The following PID1 variants were observed in gnomAD, a reference collection of about 807,000 sequenced individuals.
The protein encoded by PID1 is PTB-containing, cubilin and LRP1-interacting protein.
Under a neutral mutation model 19.1 loss-of-function variants are expected in PID1, and 10 were observed. The observed-to-expected ratio is 0.52, with a 90% CI of 0.32 to 0.89. PID1 has a LOEUF of 0.89. Ranked by LOEUF, PID1 falls within the 40% of genes least tolerant of loss-of-function variation. PID1 has a pLI of 0.03. For missense variants in PID1, 248 were observed against 285.3 expected (o/e 0.87, Z 0.94); for synonymous variants, 130 against 116.0 (o/e 1.12, Z -0.78).
chr2:229,168,016 C>T (rs549523697), intron 1 of PID1, among the ~76,000 whole-genome samples: 4 of 152,186 alleles, frequency 2.6e-5, no homozygotes, highest in South Asian at 2.1e-4. Context: ...TTCTAGTTTC[C>T]GACAAGAAGT....
intron 1 of PID1, among the ~76,000 whole-genome samples, chr2:229,233,371 T>A (rs1692256844): frequency 6.6e-6 from 1 of 151,852 alleles, no homozygotes; most frequent in East Asian, 1.9e-4. Flanking sequence ...TTGAACTACT[T>A]AATAGTTCTA....
chr2:229,031,116 T>G (rs1440482637), intron 2 of PID1, among the ~76,000 whole-genome samples: 1 of 142,756 alleles, frequency 7.0e-6, no homozygotes, highest in Non-Finnish European at 1.5e-5. Flanking sequence ...CTGGGGAGGC[T>G]GAGGCAGAAG....
chr2:229,064,954 G>T (rs1342607441), intron 2 of PID1, among the ~76,000 whole-genome samples: 1 of 152,100 alleles, frequency 6.6e-6, no homozygotes, highest in African/African-American at 2.4e-5. Flanking sequence ...AACAGATGGT[G>T]GCTATGAAAA....
chr2:229,101,219 A>AT lies in PID1; in HGVS notation c.177+54598dup, dbSNP rs113344308. 5.6e-4 allele frequency among the ~76,000 whole-genome samples: 85 copies of AT among 150,738 alleles called. 1 individual carries two copies. Among genetic ancestry groups the AT allele is most frequent in the Middle Eastern group, 3.4e-3 (1 of 292 alleles). On this transcript the variant is annotated intron_variant, in intron 2 of 2. Coordinates refer to ENST00000392055, the MANE Select transcript of PID1 (RefSeq NM_001100818.2). ...AGAGAGAATTTTCATTTCCAAATGGATTTTTTTTTTAATCTTTTTAAGTAC... is the reference window on the plus strand; with the variant it reads ...AGAGAGAATTTTCATTTCCAAATGGATTTTTTTTTTTAATCTTTTTAAGTAC...
chr2:229,101,453 C>G (rs1418842913), intron 2 of PID1, among the ~76,000 whole-genome samples: 1 of 152,104 alleles, frequency 6.6e-6, no homozygotes, highest in Non-Finnish European at 1.5e-5. Flanking sequence ...AGAAACTGAG[C>G]TGCACAGCAC....
chr2:229,154,677 GC>G (rs887091592), intron 2 of PID1, among the ~76,000 whole-genome samples: 1 of 152,116 alleles, frequency 6.6e-6, no homozygotes, highest in Non-Finnish European at 1.5e-5. Context: ...TTCACACTAA[GC>G]AATAAGGAAA....
rs6747883 is a variant in PID1, at chr2:229,108,015, G to A, written c.177+47803C>T. Among the ~76,000 whole-genome samples, 716 of 152,146 alleles carry A rather than the reference G, an allele frequency of 4.7e-3. 4 individuals are homozygous for A. Among genetic ancestry groups the A allele is most frequent in the African/African-American group, 0.016 (656 of 41,500 alleles). ...AATCCGTGCAACACACATACACACC[G>A]ACATCAAATTATTTAGCCTTCTCAG... On this transcript the variant is annotated intron_variant, in intron 2 of 2. Transcript: ENST00000392055.
chr2:229,105,561 T>C (rs187547342), intron 2 of PID1, among the ~76,000 whole-genome samples: 40 of 152,344 alleles, frequency 2.6e-4, no homozygotes, highest in Non-Finnish European at 2.9e-5. Flanking sequence ...ACCAGTGGCT[T>C]CACCTGCTGA....
Position 229,245,792 on chromosome 2 carries a change from G to A in PID1, c.30+25222C>T, listed in dbSNP as rs990740307. ...CAGAAGTTTGTGTAACTTGCCCAAAGTTATAAAGACAGTACTTAGTAGGGC... is the reference window on the plus strand; with the variant it reads ...CAGAAGTTTGTGTAACTTGCCCAAAATTATAAAGACAGTACTTAGTAGGGC... On this transcript the variant is annotated intron_variant, in intron 1 of 2. Coordinates refer to ENST00000392055, the MANE Select transcript of PID1 (RefSeq NM_001100818.2). Among the ~76,000 whole-genome samples the A allele has an allele frequency of 3.7e-4, 57 of 152,230 alleles. 1 individual carries two copies. The highest frequency in any genetic ancestry group is 1.4e-3 in the African/African-American group (57 of 41,538).
intron 1 of PID1, among the ~76,000 whole-genome samples, chr2:229,175,012 A>G (rs139325768): frequency 1.6e-3 from 242 of 152,294 alleles, no homozygotes; most frequent in African/African-American, 5.7e-3. Context: ...AGAGGTGTAT[A>G]TGGAGAGAAA....
chr2:229,068,135 C>T (rs941950933), intron 2 of PID1, among the ~76,000 whole-genome samples: 4 of 152,126 alleles, frequency 2.6e-5, no homozygotes, highest in African/African-American at 9.7e-5. Context: ...GTGAAGCTGC[C>T]CACTGCAATG....
intron 2 of PID1, among the ~76,000 whole-genome samples, chr2:229,120,874 G>A (rs1465807177): frequency 6.6e-6 from 1 of 151,934 alleles, no homozygotes; most frequent in East Asian, 1.9e-4. Flanking sequence ...GTAACAGGTT[G>A]GTTCCCAGGA....
At chr2:229,169,505 C>T (rs1690667078) in intron 1 of PID1, among the ~76,000 whole-genome samples, 1 of 152,142 alleles carries the variant, frequency 6.6e-6, no homozygotes, top group South Asian at 2.1e-4. Flanking sequence ...TAGTAAAATT[C>T]ATATTTTTAA....
chr2:229,231,749 T>C (rs1164370159), intron 1 of PID1, among the ~76,000 whole-genome samples: 1 of 152,188 alleles, frequency 6.6e-6, no homozygotes, highest in Non-Finnish European at 1.5e-5. Context: ...TAATCAGGTT[T>C]CTGTCATTCA....
intron 1 of PID1, among the ~76,000 whole-genome samples, chr2:229,197,470 C>G (rs931877609): frequency 1.3e-5 from 2 of 151,942 alleles, no homozygotes; most frequent in Non-Finnish European, 2.9e-5. Context: ...CATAGCACCA[C>G]TTAAAAATAG....
intron 1 of PID1, among the ~76,000 whole-genome samples, chr2:229,265,265 C>T (rs1257111549): frequency 6.6e-6 from 1 of 152,182 alleles, no homozygotes; most frequent in Non-Finnish European, 1.5e-5. Flanking sequence ...GAATCCTGGG[C>T]CATCAGGCAT....
Position 229,024,863 on chromosome 2 carries a change from T to TG in PID1, c.*768_*769insC, listed in dbSNP as rs2106159221. 6.5e-6 allele frequency: 1 copy of TG among 152,710 alleles called. No individual in the cohort carries two copies. The highest frequency in any genetic ancestry group is 2.4e-5 in the African/African-American group (1 of 41,582). The allele number at this position is 152,710 out of a possible 1,614,324, so 9.5% of individuals were successfully genotyped here. On this transcript the variant is annotated 3_prime_UTR_variant, in exon 3 of 3. Coordinates refer to ENST00000392055, the MANE Select transcript of PID1 (RefSeq NM_001100818.2). Reference sequence around the variant, plus strand: ...TTATTTGCTTGATTGTTTTCTTCCTTTTGGTGTCCTGCAACATATGCTGAG... The same window carrying TG: ...TTATTTGCTTGATTGTTTTCTTCCTTGTTGGTGTCCTGCAACATATGCTGAG...
At chr2:229,175,812 C>T (rs1690809071) in intron 1 of PID1, among the ~76,000 whole-genome samples, 1 of 152,108 alleles carries the variant, frequency 6.6e-6, no homozygotes, top group Non-Finnish European at 1.5e-5. Context: ...CAAAGAAGAC[C>T]CTTTCTTATC....
At chr2:229,168,317 T>C (rs1295584724) in intron 1 of PID1, among the ~76,000 whole-genome samples, 1 of 152,192 alleles carries the variant, frequency 6.6e-6, no homozygotes, top group Non-Finnish European at 1.5e-5. Context: ...CATTTTATAG[T>C]ATCCCACAAA....
Sources: gnomAD v4.1 joint callset for allele counts (sites outside exome capture counted in the v4.1 genomes callset) on GRCh38, gnomAD v4.1.1 for gene constraint, MANE v1.5 for transcripts, NCBI Gene and HGNC (gene_info 2026-07-23, HGNC 2026-07-21) for gene names.